The following KCNIP4 variants were observed in gnomAD, a reference collection of about 807,000 sequenced individuals.
The protein encoded by KCNIP4 is potassium voltage-gated channel interacting protein 4.
Under a neutral mutation model 34.0 loss-of-function variants are expected in KCNIP4, and 12 were observed. The observed-to-expected ratio is 0.35, with a 90% confidence interval of 0.23 to 0.57. The LOEUF is 0.57. Among genes scored for constraint, KCNIP4 ranks in the 20% least tolerant of loss-of-function variants. The pLI, the probability that KCNIP4 is intolerant of heterozygous loss-of-function variation, is 0.83. For missense variants in KCNIP4, 238 were observed against 311.7 expected, an observed-to-expected ratio of 0.76 and a Z score of 1.78; for synonymous variants, 124 against 102.2, an observed-to-expected ratio of 1.21 and a Z score of -1.29.
chr4:21,759,258 G>A (rs1317620039), intron 1 of KCNIP4, among the ~76,000 whole-genome samples: 3 of 152,068 alleles, frequency 2.0e-5, no homozygotes, highest in Non-Finnish European at 4.4e-5. Context: ...CAGTGAATAG[G>A]AACACTTGCT....
At chr4:20,784,639 TATTTC>T (rs1325722543) in intron 3 of KCNIP4, among the ~76,000 whole-genome samples, 8 of 152,184 alleles carry the variant, frequency 5.3e-5, no homozygotes, top group Non-Finnish European at 8.8e-5. Context: ...TTTCTTGTAT[TATTTC>T]ATTACACAAA....
intron 1 of KCNIP4, among the ~76,000 whole-genome samples, chr4:21,125,352 G>C (rs1339373041): frequency 6.6e-6 from 1 of 151,820 alleles, no homozygotes; most frequent in Non-Finnish European, 1.5e-5. Context: ...GAGTAGCAGG[G>C]ATTAGAGGTG....
intron 1 of KCNIP4, among the ~76,000 whole-genome samples, chr4:21,217,811 A>G (rs1171692703): frequency 1.3e-5 from 2 of 152,124 alleles, no homozygotes; most frequent in Non-Finnish European, 2.9e-5. Flanking sequence ...AATGTGGTGT[A>G]CATCTAATGA....
At chr4:21,410,450 G>C (rs570011630) in intron 1 of KCNIP4, among the ~76,000 whole-genome samples, 27 of 152,196 alleles carry the variant, frequency 1.8e-4, no homozygotes, top group African/African-American at 6.0e-4. Flanking sequence ...CTGCATCACT[G>C]TCTCTGGGGG....
intron 1 of KCNIP4, among the ~76,000 whole-genome samples, chr4:21,176,411 TG>T (rs1754413375): frequency 6.6e-6 from 1 of 152,076 alleles, no homozygotes; most frequent in Admixed American, 6.6e-5. Context: ...TAAAATAAAT[TG>T]GGGCCATATG....
intron 1 of KCNIP4, among the ~76,000 whole-genome samples, chr4:21,595,809 T>C (rs1355257272): frequency 3.3e-5 from 5 of 152,092 alleles, no homozygotes; most frequent in African/African-American, 1.2e-4. Context: ...TACCATCTAG[T>C]CCCTGAAAAA....
At chr4:21,174,310 G>T (rs1223060889) in intron 1 of KCNIP4, among the ~76,000 whole-genome samples, 1 of 152,192 alleles carries the variant, frequency 6.6e-6, no homozygotes, top group African/African-American at 2.4e-5. Flanking sequence ...AAAAACAAGG[G>T]TTTGGTTGTT....
At chr4:21,172,264 T>C (rs1754071669) in intron 1 of KCNIP4, among the ~76,000 whole-genome samples, 1 of 152,112 alleles carries the variant, frequency 6.6e-6, no homozygotes, top group East Asian at 1.9e-4. Context: ...ACACCTGACC[T>C]CAAGCAATCC....
At chr4:21,948,310 AG>A (rs929546396) in intron 1 of KCNIP4, among the ~76,000 whole-genome samples, 1 of 152,204 alleles carries the variant, frequency 6.6e-6, no homozygotes, top group African/African-American at 2.4e-5. Flanking sequence ...ACAGGATCGC[AG>A]GGGACCCTGC....
chr4:21,834,402 T>C (rs1294240426), intron 1 of KCNIP4, among the ~76,000 whole-genome samples: 1 of 152,220 alleles, frequency 6.6e-6, no homozygotes, highest in Non-Finnish European at 1.5e-5. Flanking sequence ...TTGTCTGTTG[T>C]TGGTGTATAA....
chr4:20,894,855 C>G (rs1726332675), intron 1 of KCNIP4, among the ~76,000 whole-genome samples: 1 of 152,142 alleles, frequency 6.6e-6, no homozygotes, highest in African/African-American at 2.4e-5. Context: ...AGAAAAGATG[C>G]AGACAAATAA....
At chr4:21,886,332 T>C (rs1023830140) in intron 1 of KCNIP4, among the ~76,000 whole-genome samples, 1 of 152,062 alleles carries the variant, frequency 6.6e-6, no homozygotes, top group South Asian at 2.1e-4. Context: ...AAAAAGCAGA[T>C]CTTTGGAAAT....
At chr4:21,261,000 C>A (rs10024942) in intron 1 of KCNIP4, among the ~76,000 whole-genome samples, 80,942 of 152,038 alleles carry the variant, frequency 0.53, 24,680 homozygotes, top group African/African-American at 0.85. Context: ...TTCTTTTCAG[C>A]TAAACATTTA....
At chr4:21,220,957 C>A (rs1344335659) in intron 1 of KCNIP4, among the ~76,000 whole-genome samples, 1 of 152,006 alleles carries the variant, frequency 6.6e-6, no homozygotes, top group Non-Finnish European at 1.5e-5. Context: ...TTTATGAAGG[C>A]AAACAATGGG....
intron 1 of KCNIP4, among the ~76,000 whole-genome samples, chr4:21,628,779 T>C (rs899089241): frequency 6.6e-6 from 1 of 152,188 alleles, no homozygotes; most frequent in African/African-American, 2.4e-5. Flanking sequence ...TTTAGGTAAA[T>C]AGAAATTTTG....
intron 1 of KCNIP4, among the ~76,000 whole-genome samples, chr4:21,672,975 G>A (rs1322105689): frequency 1.3e-5 from 2 of 152,160 alleles, no homozygotes; most frequent in African/African-American, 4.8e-5. Context: ...CATGGCTCCT[G>A]GCTTATCCAG....
intron 3 of KCNIP4, among the ~76,000 whole-genome samples, chr4:20,810,555 T>TTACAACTAACAC (rs1560482459): frequency 9.9e-5 from 15 of 152,038 alleles, no homozygotes; most frequent in African/African-American, 3.6e-4. Context: ...AATTCTGAAT[T>TTACAACTAACAC]TGCAACTAAC....
chr4:21,880,992 CTTCT>C (rs1385961809), intron 1 of KCNIP4, among the ~76,000 whole-genome samples: 1 of 152,166 alleles, frequency 6.6e-6, no homozygotes, highest in African/African-American at 2.4e-5. Flanking sequence ...AGAATACCTG[CTTCT>C]TTGTTTGGGA....
chr4:20,979,281 A>G (rs1735801053), intron 1 of KCNIP4, among the ~76,000 whole-genome samples: 1 of 152,176 alleles, frequency 6.6e-6, no homozygotes. Context: ...AAAACTGGAA[A>G]CGGACAGTTC....
Sources: gnomAD v4.1 joint callset for allele counts (sites outside exome capture counted in the v4.1 genomes callset) on GRCh38, gnomAD v4.1.1 for gene constraint, MANE v1.5 for transcripts, NCBI Gene and HGNC (gene_info 2026-07-23, HGNC 2026-07-21) for gene names.